RORA: variants seen among roughly 807,000 people sequenced by gnomAD.
RORA encodes nuclear receptor ROR-alpha.
In RORA, 7 loss-of-function variants were observed where a neutral mutation model predicts 69.5. The observed-to-expected ratio is 0.10, with a 90% CI of 0.06 to 0.19. The LOEUF is 0.19. Among genes scored for constraint, RORA ranks in the 10% least tolerant of loss-of-function variants. RORA has a pLI of 1.00. For synonymous variants in RORA, 261 were observed against 240.8 expected (o/e 1.08, Z -0.78); for missense variants, 457 against 663.0 (o/e 0.69, Z 3.41).
At chr15:60,874,707 G>A (rs1300360273) in intron 1 of RORA, among the ~76,000 whole-genome samples, 1 of 152,120 alleles carries the variant, frequency 6.6e-6, no homozygotes, top group Non-Finnish European at 1.5e-5. Context: ...ACAGAATTAT[G>A]GAAATTTAGA....
chr15:61,057,579 G>T (rs528864201), intron 1 of RORA, among the ~76,000 whole-genome samples: 1 of 152,132 alleles, frequency 6.6e-6, no homozygotes, highest in Admixed American at 6.5e-5. Flanking sequence ...TGTCTCTAAG[G>T]TACCATCTTT....
intron 1 of RORA, among the ~76,000 whole-genome samples, chr15:60,771,494 T>C (rs1002059723): frequency 6.6e-6 from 1 of 152,212 alleles, no homozygotes; most frequent in Non-Finnish European, 1.5e-5. Flanking sequence ...CTTTGCAGTG[T>C]CCAGCACTAG....
intron 2 of RORA, among the ~76,000 whole-genome samples, chr15:60,605,287 C>T (rs1433051891): frequency 4.6e-5 from 7 of 151,832 alleles, no homozygotes; most frequent in Non-Finnish European, 8.8e-5. Context: ...TTTGTACTCT[C>T]TGGAAACAAG....
At chr15:61,154,547 G>A (rs374146333) in intron 1 of RORA, among the ~76,000 whole-genome samples, 1 of 152,276 alleles carries the variant, frequency 6.6e-6, no homozygotes. Context: ...ACAGATCTAC[G>A]TGACCTGTCA....
intron 1 of RORA, among the ~76,000 whole-genome samples, chr15:61,011,089 A>T (rs1595876467): frequency 1.3e-5 from 2 of 152,210 alleles, no homozygotes; most frequent in African/African-American, 4.8e-5. Flanking sequence ...AGAGGTAGGA[A>T]CTGAACCCAT....
In RORA at chr15:61,211,234, A is replaced by C. The variant is rs530589422; in HGVS notation, c.166+17819T>G. ...CGTCCTGAACAGGGTCTGAGTGTAT[A>C]ACTGGAAGGGCTTTCTGCAAAGTTA... is the stretch of plus-strand genomic sequence containing the variant. On this transcript the variant is annotated intron_variant, in intron 1 of 10. Transcript: ENST00000335670. Among the ~76,000 whole-genome samples, 110 of 152,030 alleles carry C rather than the reference A, an allele frequency of 7.2e-4. 4 individuals carry two copies. In the South Asian group the frequency reaches 0.022, roughly 30 times the overall value.
intron 1 of RORA, among the ~76,000 whole-genome samples, chr15:60,748,115 C>T (rs932984068): frequency 6.6e-6 from 1 of 152,142 alleles, no homozygotes; most frequent in Non-Finnish European, 1.5e-5. Flanking sequence ...GTTTGCTGCA[C>T]ATCCTTTGCC....
At chr15:61,046,693 G>C (rs1035161936) in intron 1 of RORA, among the ~76,000 whole-genome samples, 4 of 152,204 alleles carry the variant, frequency 2.6e-5, no homozygotes, top group African/African-American at 7.2e-5. Context: ...ATATTACACA[G>C]CAGGATCCAG....
At chr15:60,645,613 G>A (rs910771115) in intron 2 of RORA, among the ~76,000 whole-genome samples, 2 of 151,826 alleles carry the variant, frequency 1.3e-5, no homozygotes, top group Non-Finnish European at 1.5e-5. Flanking sequence ...GGCTGGTCTC[G>A]AACTCCTGGC....
At chr15:60,627,485 T>C in intron 2 of RORA, 1 of 1,554,506 alleles carries the variant, frequency 6.4e-7, no homozygotes, top group Non-Finnish European at 8.7e-7. Context: ...GGGTGGAGAA[T>C]GATGGGGAGG....
intron 1 of RORA, among the ~76,000 whole-genome samples, chr15:60,992,245 G>A (rs1894403192): frequency 6.6e-6 from 1 of 152,208 alleles, no homozygotes; most frequent in African/African-American, 2.4e-5. Flanking sequence ...TGGAAGACTT[G>A]ATTAAAACAA....
chr15:60,643,049 C>T (rs531563139), intron 2 of RORA, among the ~76,000 whole-genome samples: 10 of 151,990 alleles, frequency 6.6e-5, no homozygotes, highest in African/African-American at 1.9e-4. Flanking sequence ...CCCAGCTACT[C>T]GGGAGGCTGA....
At chr15:60,618,242 G>C (rs945673101) in intron 2 of RORA, among the ~76,000 whole-genome samples, 5 of 152,178 alleles carry the variant, frequency 3.3e-5, no homozygotes, top group Non-Finnish European at 7.3e-5. Flanking sequence ...AACAGTGATG[G>C]AGTAATGCTT....
At chr15:61,036,049 T>C (rs1468554350) in intron 1 of RORA, among the ~76,000 whole-genome samples, 2 of 151,906 alleles carry the variant, frequency 1.3e-5, no homozygotes, top group South Asian at 4.2e-4. Flanking sequence ...CCTTTCAGAG[T>C]AGTTTAGGAA....
chr15:60,949,909 G>A (rs1032182162), intron 1 of RORA, among the ~76,000 whole-genome samples: 2 of 152,070 alleles, frequency 1.3e-5, no homozygotes, highest in African/African-American at 2.4e-5. Context: ...TTTCCAGCTC[G>A]GTAGGCTAGA....
rs28670928 is a variant in RORA at position 60,626,361 on chromosome 15, G to A, written c.196+52296C>T. Among the ~76,000 whole-genome samples, 607 of 152,282 alleles carry A rather than the reference G, an allele frequency of 4.0e-3. 6 individuals are homozygous for A. Among genetic ancestry groups the A allele is most frequent in the African/African-American group, 0.013 (539 of 41,546 alleles). ...GTTCCTGCAACTCTGACCAGGGATCGTTTTGAAATTCGGGTTTTGTTGTTG... is the reference window on the plus strand; with the variant it reads ...GTTCCTGCAACTCTGACCAGGGATCATTTTGAAATTCGGGTTTTGTTGTTG... On this transcript the variant is annotated intron_variant, in intron 2 of 10. Coordinates refer to ENST00000335670, the MANE Select transcript of RORA (RefSeq NM_134261.3).
intron 1 of RORA, among the ~76,000 whole-genome samples, chr15:60,932,225 T>C (rs1017038868): frequency 3.3e-5 from 5 of 152,106 alleles, no homozygotes; most frequent in Non-Finnish European, 7.4e-5. Context: ...GTGGGGTTGC[T>C]TGAGAAGCAG....
chr15:60,494,991 C>T lies in RORA; in HGVS notation c.*2464G>A, dbSNP rs1243695543. ...TTAGTTGCTCTTTAATGCGCTAGCA[C>T]CTGAGGCTGGTCATATTCAGAAAGC... On this transcript the variant is annotated 3_prime_UTR_variant, in exon 11 of 11. Coordinates refer to ENST00000335670, the MANE Select transcript of RORA (RefSeq NM_134261.3). 1 of 152,120 alleles carries T rather than the reference C, an allele frequency of 6.6e-6. No individual in the cohort carries two copies. The highest frequency in any genetic ancestry group is 1.5e-5 in the Non-Finnish European group (1 of 68,018). The allele number at this position is 152,120 out of a possible 1,614,324, so 9.4% of individuals were successfully genotyped here.
intron 2 of RORA, among the ~76,000 whole-genome samples, chr15:60,540,498 A>G (rs1294536426): frequency 1.3e-5 from 2 of 149,886 alleles, no homozygotes; most frequent in African/African-American, 4.9e-5. Context: ...TTCACACCAA[A>G]TTTCACATAA....
Sources: gnomAD v4.1 joint callset for allele counts (sites outside exome capture counted in the v4.1 genomes callset) on GRCh38, gnomAD v4.1.1 for gene constraint, MANE v1.5 for transcripts, NCBI Gene and HGNC (gene_info 2026-07-23, HGNC 2026-07-21) for gene names.